SUMF1: variants seen among roughly 807,000 people sequenced by gnomAD.
SUMF1 encodes sulfatase modifying factor 1, also known as formylglycine-generating enzyme.
Under a neutral mutation model 47.6 loss-of-function variants are expected in SUMF1, and 48 were observed. The ratio of observed to expected loss-of-function variants is 1.01; its 90% confidence interval spans 0.80 to 1.28. SUMF1 has a LOEUF of 1.28. SUMF1 is among the 50% of genes most tolerant of loss of function. The pLI is 0.00. For missense variants in SUMF1, 571 were observed against 485.4 expected, an observed-to-expected ratio of 1.18 and a Z score of -1.66; for synonymous variants, 230 against 192.1, an observed-to-expected ratio of 1.20 and a Z score of -1.63.
chr3:4,061,697 G>T (rs1695279036), intron 9 of SUMF1, among the ~76,000 whole-genome samples: 1 of 152,102 alleles, frequency 6.6e-6, no homozygotes, highest in African/African-American at 2.4e-5. Flanking sequence ...GGGAGGTACA[G>T]AAACAGTTGG....
At chr3:4,368,833 G>T (rs1300067012) in intron 8 of SUMF1, among the ~76,000 whole-genome samples, 1 of 152,114 alleles carries the variant, frequency 6.6e-6, no homozygotes, top group Non-Finnish European at 1.5e-5. Flanking sequence ...AAACTCTTGT[G>T]CCCTAGGATT....
intron 8 of SUMF1, among the ~76,000 whole-genome samples, chr3:4,305,751 A>C (rs1698166035): frequency 6.6e-6 from 1 of 152,254 alleles, no homozygotes; most frequent in African/African-American, 2.4e-5. Context: ...TTTGTAAGGC[A>C]TGACTCCCCA....
At chr3:4,174,282 G>T (rs574006148) in intron 8 of SUMF1, among the ~76,000 whole-genome samples, 12 of 150,178 alleles carry the variant, frequency 8.0e-5, no homozygotes, top group African/African-American at 2.2e-4. Context: ...CATGACCCCA[G>T]GAGGCGGAGC....
At chr3:4,414,334 T>C (rs1307349589) in intron 6 of SUMF1, among the ~76,000 whole-genome samples, 1 of 152,114 alleles carries the variant, frequency 6.6e-6, no homozygotes, top group East Asian at 1.9e-4. Context: ...CTGTCTCAAA[T>C]AAATAAAATG....
intron 1 of SUMF1, among the ~76,000 whole-genome samples, chr3:4,454,923 C>T (rs976943836): frequency 4.6e-5 from 7 of 152,014 alleles, no homozygotes; most frequent in Non-Finnish European, 8.8e-5. Flanking sequence ...TAGGGGGAGG[C>T]AGGAATGGGG....
intron 8 of SUMF1, among the ~76,000 whole-genome samples, chr3:4,178,878 G>A (rs1695031199): frequency 6.6e-6 from 1 of 152,104 alleles, no homozygotes; most frequent in Admixed American, 6.6e-5. Flanking sequence ...AAAATCACAA[G>A]CATTCCAGTA....
chr3:4,407,749 C>T (rs1701420526), intron 7 of SUMF1, among the ~76,000 whole-genome samples: 1 of 152,186 alleles, frequency 6.6e-6, no homozygotes, highest in Non-Finnish European at 1.5e-5. Context: ...AAACTGTTTT[C>T]CTTAGAGATC....
intron 1 of SUMF1, among the ~76,000 whole-genome samples, chr3:4,454,109 A>G (rs1703072754): frequency 1.3e-5 from 2 of 152,232 alleles, no homozygotes; most frequent in South Asian, 2.1e-4. Context: ...AAAAAGGCTT[A>G]CCTCACTAAA....
chr3:4,103,104 C>G lies in SUMF1; in HGVS notation c.1015-34359G>C, dbSNP rs367833959. ...CATCTGGCTAATTTTTGTATTTTTA[C>G]TAGAGATGGGGTTTCCCTATGTTGG... is the stretch of plus-strand genomic sequence containing the variant. On this transcript the variant is annotated intron_variant and NMD_transcript_variant, in intron 8 of 12. Coordinates refer to the SUMF1 transcript ENST00000448413. Among the ~76,000 whole-genome samples the G allele has an allele frequency of 1.1e-4, 17 of 151,402 alleles. 3 individuals carry two copies. The highest frequency in any genetic ancestry group is 1.9e-4 in the East Asian group (1 of 5,160).
chr3:4,250,181 G>A (rs1057220820), intron 8 of SUMF1, among the ~76,000 whole-genome samples: 23 of 151,290 alleles, frequency 1.5e-4, no homozygotes, highest in African/African-American at 5.6e-4. Context: ...AGAAACGGAG[G>A]GGGAAGGGGG....
intron 8 of SUMF1, among the ~76,000 whole-genome samples, chr3:4,171,985 T>C (rs1194108764): frequency 6.6e-6 from 1 of 152,144 alleles, no homozygotes; most frequent in South Asian, 2.1e-4. Context: ...TGCTATCAAA[T>C]GTATGTTTTA....
At chr3:4,429,199 A>C (rs1449093523) in intron 3 of SUMF1, among the ~76,000 whole-genome samples, 1 of 152,256 alleles carries the variant, frequency 6.6e-6, no homozygotes, top group Middle Eastern at 3.2e-3. Flanking sequence ...CCTTGCTAAA[A>C]ATCATTTACA....
chr3:4,188,077 G>A (rs977211164), intron 8 of SUMF1, among the ~76,000 whole-genome samples: 5 of 151,792 alleles, frequency 3.3e-5, no homozygotes, highest in Admixed American at 6.6e-5. Context: ...TTAGCTTCCC[G>A]CATTATCAAC....
At chr3:4,231,627 C>T (rs916532865) in intron 8 of SUMF1, among the ~76,000 whole-genome samples, 10 of 152,124 alleles carry the variant, frequency 6.6e-5, no homozygotes, top group African/African-American at 2.2e-4. Flanking sequence ...AAGGGGACAT[C>T]CTCTTCAAAA....
At chr3:4,148,838 A>G (rs1451896381) in intron 8 of SUMF1, among the ~76,000 whole-genome samples, 2 of 152,170 alleles carry the variant, frequency 1.3e-5, no homozygotes, top group Non-Finnish European at 2.9e-5. Context: ...CAAATCTCAC[A>G]TTTGGAAGGA....
At chr3:4,100,040 C>T (rs1161628442) in intron 8 of SUMF1, among the ~76,000 whole-genome samples, 2 of 150,720 alleles carry the variant, frequency 1.3e-5, no homozygotes, top group East Asian at 3.9e-4. Flanking sequence ...CAATTCAATC[C>T]AATTCAATTT....
intron 1 of SUMF1, among the ~76,000 whole-genome samples, chr3:4,463,425 G>C (rs550296507): frequency 6.6e-6 from 1 of 152,346 alleles, no homozygotes; most frequent in East Asian, 1.9e-4. Context: ...AGTAGGCAGA[G>C]GTTGCAATGA....
chr3:4,420,329 T>C (rs1333674793), intron 3 of SUMF1, among the ~76,000 whole-genome samples, 183 bp from the exon 4 acceptor site: 1 of 152,058 alleles, frequency 6.6e-6, no homozygotes, highest in Non-Finnish European at 1.5e-5. Flanking sequence ...AAAAAAAGTA[T>C]TACTTCATAT....
chr3:4,266,201 T>G (rs1410473082), intron 8 of SUMF1, among the ~76,000 whole-genome samples: 3 of 152,222 alleles, frequency 2.0e-5, no homozygotes, highest in Non-Finnish European at 4.4e-5. Context: ...TAGGATTGAC[T>G]TGGCCACACG....
Sources: gnomAD v4.1 joint callset for allele counts (sites outside exome capture counted in the v4.1 genomes callset) on GRCh38, gnomAD v4.1.1 for gene constraint, MANE v1.5 for transcripts, NCBI Gene and HGNC (gene_info 2026-07-23, HGNC 2026-07-21) for gene names.